Variants in CES5A observed in about 807,000 individuals in gnomAD.
The protein encoded by CES5A is carboxylesterase 5A.
Under a neutral mutation model 62.9 loss-of-function variants are expected in CES5A, and 67 were observed. That is an observed-to-expected ratio of 1.07 (90% confidence interval 0.88 to 1.31). The LOEUF (loss-of-function observed/expected upper bound fraction) is 1.31, where lower values mean the gene tolerates loss of function less well. Ranked by LOEUF, CES5A falls within the 50% of genes most tolerant of loss-of-function variation. The pLI is 0.00. For synonymous variants in CES5A, 296 were observed against 280.8 expected (o/e 1.05, Z -0.54); for missense variants, 748 against 708.5 (o/e 1.06, Z -0.63).
intron 1 of CES5A, among the ~76,000 whole-genome samples, chr16:55,887,679 TG>T (rs2033830945): frequency 6.6e-6 from 1 of 152,070 alleles, no homozygotes; most frequent in Non-Finnish European, 1.5e-5. Context: ...AAACTTAATG[TG>T]GGTATGAGCA....
At chr16:55,953,835 C>G (rs528755393) in intron 1 of CES5A, among the ~76,000 whole-genome samples, 1 of 152,066 alleles carries the variant, frequency 6.6e-6, no homozygotes, top group East Asian at 1.9e-4. Context: ...ATAATCACAT[C>G]GGGGTAATTG....
intron 1 of CES5A, among the ~76,000 whole-genome samples, chr16:55,912,833 G>C (rs887963263): frequency 6.6e-6 from 1 of 152,082 alleles, no homozygotes; most frequent in African/African-American, 2.4e-5. Flanking sequence ...GCCCTGAGAG[G>C]TGAAGACAAA....
intron 1 of CES5A, among the ~76,000 whole-genome samples, chr16:55,909,268 G>T (rs773800030): frequency 3.9e-5 from 6 of 152,144 alleles, no homozygotes; most frequent in Non-Finnish European, 8.8e-5. Flanking sequence ...TTGAGGAAAT[G>T]GAGGGCTAGA....
chr16:55,917,082 A>G (rs1178223821), intron 1 of CES5A, among the ~76,000 whole-genome samples: 1 of 152,158 alleles, frequency 6.6e-6, no homozygotes, highest in Non-Finnish European at 1.5e-5. Flanking sequence ...GAAGGCAGGC[A>G]ACCCCCAAGG....
At chr16:55,948,647 T>G (rs1176479080) in intron 2 of CES5A, among the ~76,000 whole-genome samples, 1 of 152,212 alleles carries the variant, frequency 6.6e-6, no homozygotes, top group Non-Finnish European at 1.5e-5. Flanking sequence ...AGCTTAACTT[T>G]TCCCTTGACA....
chr16:55,864,478 A>G (rs2033416389), intron 5 of CES5A, among the ~76,000 whole-genome samples: 1 of 152,228 alleles, frequency 6.6e-6, no homozygotes, highest in Non-Finnish European at 1.5e-5. Flanking sequence ...TGTTTTGTCA[A>G]TTTCACTTGT....
intron 1 of CES5A, among the ~76,000 whole-genome samples, chr16:55,897,767 C>T (rs551065649): frequency 9.2e-5 from 14 of 152,176 alleles, no homozygotes; most frequent in Non-Finnish European, 1.6e-4. Context: ...CCATCCATAA[C>T]ACATTATTTG....
chr16:55,886,262 A>T (rs1442956088), intron 1 of CES5A, among the ~76,000 whole-genome samples: 1 of 152,236 alleles, frequency 6.6e-6, no homozygotes, highest in Non-Finnish European at 1.5e-5. Context: ...AAAGACATAC[A>T]TGATGACTTC....
At chr16:55,912,298 G>A (rs750281545) in intron 1 of CES5A, among the ~76,000 whole-genome samples, 1 of 152,190 alleles carries the variant, frequency 6.6e-6, no homozygotes, top group Non-Finnish European at 1.5e-5. Flanking sequence ...AATACATTCC[G>A]ACGACAACAG....
At chr16:55,920,493 G>GT (rs1371995967) in intron 1 of CES5A, among the ~76,000 whole-genome samples, 1 of 152,154 alleles carries the variant, frequency 6.6e-6, no homozygotes, top group Non-Finnish European at 1.5e-5. Flanking sequence ...GTCTCACACT[G>GT]CTGAGGTATC....
At chr16:55,872,118 C>A (rs1331341234) in intron 2 of CES5A, among the ~76,000 whole-genome samples, 1 of 152,150 alleles carries the variant, frequency 6.6e-6, no homozygotes, top group Non-Finnish European at 1.5e-5. Context: ...CTGTAGAGGG[C>A]AGGACATAGT....
At chr16:55,918,373 C>T (rs1250836463) in intron 1 of CES5A, among the ~76,000 whole-genome samples, 1 of 152,130 alleles carries the variant, frequency 6.6e-6, no homozygotes, top group African/African-American at 2.4e-5. Context: ...TCCGTCATTC[C>T]ATAATAATCA....
rs568561943 is a variant in CES5A at position 55,849,814 on chromosome 16, G to A, written c.1274-41C>T. The A allele has an allele frequency of 9.5e-5, 152 of 1,599,886 alleles. 1 individual carries two copies. The Admixed American group carries it at 1.2e-3, about 13-fold the overall frequency. The stretch of plus-strand genomic sequence containing the variant: ...GGAAGGTCAGGCATGCATGCAGCGC[G>A]GAGCAGGGGGCTGGCTCTGTGTCCC... On this transcript the variant is annotated intron_variant, in intron 10 of 12. Coordinates refer to ENST00000290567, the MANE Select transcript of CES5A (RefSeq NM_001143685.2).
At chr16:55,944,396 CA>C (rs1175210611) in intron 2 of CES5A, 3 of 363,350 alleles carry the variant, frequency 8.3e-6, no homozygotes, top group Non-Finnish European at 1.5e-5. Context: ...AGAGGGAAGC[CA>C]GGGGCATCTT....
At chr16:55,882,319 T>G (rs1250289360) in intron 1 of CES5A, among the ~76,000 whole-genome samples, 1 of 152,200 alleles carries the variant, frequency 6.6e-6, no homozygotes, top group Non-Finnish European at 1.5e-5. Flanking sequence ...GGTCCAGCAT[T>G]TTTTTGATAC....
chr16:55,846,742 T>C lies in CES5A; in HGVS notation c.1496+26A>G, dbSNP rs375005969. ...CCTCCTCACACCCCAGGCCTTGGCA[T>C]GGGGGAGACCGGGAGGTTTACTTAC... On this transcript the variant is annotated intron_variant, in intron 12 of 12. Coordinates refer to ENST00000290567, the MANE Select transcript of CES5A (RefSeq NM_001143685.2). 3.7e-6 allele frequency: 6 copies of C among 1,613,628 alleles called. No individual in the cohort carries two copies. In the African/African-American group the frequency reaches 8.0e-5, roughly 22 times the overall value.
chr16:55,850,978 T>C (rs1181523941), intron 10 of CES5A, among the ~76,000 whole-genome samples: 1 of 152,124 alleles, frequency 6.6e-6, no homozygotes, highest in African/African-American at 2.4e-5. Context: ...TCATAGTATA[T>C]AGAAAAACTA....
At position 55,849,689 on chromosome 16, in the gene CES5A, T is replaced by A; in HGVS notation, c.1358A>T (p.Asp453Val). 6.2e-7 allele frequency: 1 copy of A among 1,613,954 alleles called. No homozygotes were observed. The highest frequency in any genetic ancestry group is 8.5e-7 in the Non-Finnish European group (1 of 1,179,870). Residue 453 changes from aspartate (D) to valine (V), a missense_variant, in exon 11 of 13, where the codon GAC (aspartate) becomes GTC (valine). Transcript: ENST00000290567. Reference protein sequence around the residue: ...EDTKPAFVKADHADEVRFVFG... With the variant: ...EDTKPAFVKAVHADEVRFVFG... The stretch of plus-strand genomic sequence containing the variant: ...CACAAAGCGGACTTCATCAGCGTGG[T>A]CGGCTTTGACAAAAGCTGGCTTCGT...
At chr16:55,915,950 G>T (rs1040325684) in intron 1 of CES5A, among the ~76,000 whole-genome samples, 1 of 152,142 alleles carries the variant, frequency 6.6e-6, no homozygotes, top group Non-Finnish European at 1.5e-5. Context: ...TCACCACACA[G>T]ACAAAACCAG....
Sources: gnomAD v4.1 joint callset for allele counts (sites outside exome capture counted in the v4.1 genomes callset) on GRCh38, gnomAD v4.1.1 for gene constraint, MANE v1.5 for transcripts, NCBI Gene and HGNC (gene_info 2026-07-23, HGNC 2026-07-21) for gene names.